MCM9: variants seen among roughly 807,000 people sequenced by gnomAD.
MCM9 encodes the protein minichromosome maintenance 9 homologous recombination repair factor.
Under a neutral mutation model 72.8 loss-of-function variants are expected in MCM9, and 55 were observed. The observed-to-expected ratio is 0.76, with a 90% CI of 0.61 to 0.95. MCM9 has a LOEUF of 0.95. Among genes scored for constraint, MCM9 ranks in the 40% least tolerant of loss-of-function variants. MCM9 has a pLI of 0.00. For missense variants in MCM9, 1,279 were observed against 1,377.0 expected (o/e 0.93, Z 1.13); for synonymous variants, 480 against 503.4 (o/e 0.95, Z 0.62).
chr6:118,836,704 T>A (rs896182343), intron 9 of MCM9, among the ~76,000 whole-genome samples: 1 of 152,174 alleles, frequency 6.6e-6, no homozygotes, highest in African/African-American at 2.4e-5. Context: ...CCCTTTATCA[T>A]TTTTTATTGT....
intron 8 of MCM9, among the ~76,000 whole-genome samples, chr6:118,896,672 A>T (rs916216664): frequency 6.6e-6 from 1 of 152,204 alleles, no homozygotes; most frequent in African/African-American, 2.4e-5. Flanking sequence ...GCTGAGTCAT[A>T]CTGAAGCTGC....
In MCM9 at chr6:118,815,444, G is replaced by T. The variant is rs1199867976; in HGVS notation, c.2812C>A (p.His938Asn). 3 of 1,550,286 alleles carry T rather than the reference G, an allele frequency of 1.9e-6. No individual in the cohort carries two copies. Among genetic ancestry groups the T allele is most frequent in the Middle Eastern group, 1.7e-4 (1 of 6,006 alleles). The change falls in exon 14 of 14, where the codon CAC (histidine) becomes AAC (asparagine). Residue 938 changes from histidine to asparagine, a missense_variant. His to Asn is a moderately conservative substitution (Grantham distance 68, BLOSUM62 1). Coordinates refer to ENST00000619706, the MANE Select transcript of MCM9 (RefSeq NM_017696.3). ...GTTGCACCAGGTGACACATGGCTGT[G>T]ATCTTCAAAGGAGTGGATCAGTTTT... ...KSKLIHSFED[H>N]SHVSPGATKI...
chr6:118,867,883 TTC>T (rs1491513397), intron 8 of MCM9, among the ~76,000 whole-genome samples: 10 of 147,000 alleles, frequency 6.8e-5, no homozygotes, highest in East Asian at 5.9e-4. Context: ...CTTTTTCTTT[TTC>T]TTTTTTTTTG....
At chr6:118,886,375 A>T (rs548255188) in intron 8 of MCM9, among the ~76,000 whole-genome samples, 21 of 152,254 alleles carry the variant, frequency 1.4e-4, no homozygotes, top group African/African-American at 5.1e-4. Context: ...AGAGAAAGAA[A>T]AAGAAACAAT....
intron 8 of MCM9, among the ~76,000 whole-genome samples, chr6:118,893,730 C>T (rs145946117): frequency 0.01 from 1,575 of 152,078 alleles, 29 homozygotes; most frequent in African/African-American, 0.036. Context: ...ACCCGATACG[C>T]AGAAAGCTGA....
chr6:118,847,189 CAG>C lies in MCM9; in HGVS notation c.1325+9180_1325+9181del, dbSNP rs746200472. Reference sequence around the variant, plus strand: ...AATGAACATCTAATTAAGGCAGAAACAGAGAATCGAACACTGCATGTTCTCAC... The same window carrying C: ...AATGAACATCTAATTAAGGCAGAAACAGAATCGAACACTGCATGTTCTCAC... On this transcript the variant is annotated intron_variant, in intron 9 of 13. Transcript: ENST00000619706. Among the ~76,000 whole-genome samples, 3 of 151,728 alleles carry C rather than the reference CAG, an allele frequency of 2.0e-5. No homozygotes were observed. In the East Asian group the frequency reaches 5.8e-4, roughly 29 times the overall value.
At chr6:118,927,438 T>C (rs1290090639) in intron 3 of MCM9, among the ~76,000 whole-genome samples, 1 of 152,024 alleles carries the variant, frequency 6.6e-6, no homozygotes, top group Non-Finnish European at 1.5e-5. Flanking sequence ...ACCCCATCTC[T>C]ACTAAAAATA....
In MCM9 at chr6:118,829,053, T is replaced by C; in HGVS notation, c.1523A>G (p.Asn508Ser). The change falls in exon 10 of 14, where the codon AAT becomes AGT. Residue 508 changes from asparagine to serine, a missense_variant. Physicochemically the swap from Asn to Ser is conservative, Grantham distance 46. Transcript: ENST00000619706. ...DRIISSFILENKGYPSKSEKL... is the reference protein window; with the variant it reads ...DRIISSFILESKGYPSKSEKL... ...CTTTGTTTGTCTTCACGTACCTTTA[T>C]TTTCTAAGATAAAGGAGGAAATGAT... 1 of 1,550,584 alleles carries C rather than the reference T, an allele frequency of 6.4e-7. No homozygotes were observed.
At chr6:118,913,545 G>A in intron 6 of MCM9, 125 bp from the exon 7 acceptor site, 1 of 1,201,302 alleles carries the variant, frequency 8.3e-7, no homozygotes, top group Non-Finnish European at 1.2e-6. Flanking sequence ...TGATCAGGAG[G>A]TCCAATTCCA....
At chr6:118,884,508 TA>T (rs564594715) in intron 8 of MCM9, among the ~76,000 whole-genome samples, 20 of 149,944 alleles carry the variant, frequency 1.3e-4, no homozygotes, top group South Asian at 2.1e-4. Context: ...AAAAGGAATT[TA>T]AAAAAAAACA....
At position 118,930,277 on chromosome 6, in the gene MCM9, A is replaced by AT. The variant is rs539799635; in HGVS notation, c.304+1142dup. On this transcript the variant is annotated intron_variant, in intron 3 of 13. Transcript: ENST00000619706. Reference sequence around the variant, plus strand: ...AGGCGCCCGCCACCATGCCCGGCTAATTTTTTTTGTATTTTTTGTAGAGAC... The same window carrying AT: ...AGGCGCCCGCCACCATGCCCGGCTAATTTTTTTTTGTATTTTTTGTAGAGAC... 6.1e-4 allele frequency among the ~76,000 whole-genome samples: 92 copies of AT among 151,442 alleles called. No individual in the cohort carries two copies. The South Asian group carries it at 8.5e-3, about 14-fold the overall frequency.
intron 8 of MCM9, among the ~76,000 whole-genome samples, chr6:118,899,392 T>G (rs1314698318): frequency 6.6e-6 from 1 of 152,166 alleles, no homozygotes; most frequent in Non-Finnish European, 1.5e-5. Context: ...TTCATTCTGC[T>G]CCAGCCCTAG....
intron 3 of MCM9, among the ~76,000 whole-genome samples, chr6:118,926,954 T>C (rs1781948596): frequency 6.6e-6 from 1 of 152,082 alleles, no homozygotes; most frequent in African/African-American, 2.4e-5. Context: ...TCTCGAAATA[T>C]AAACAGAATG....
chr6:118,910,761 A>G (rs1780484950), intron 8 of MCM9: 2 of 985,428 alleles, frequency 2.0e-6, no homozygotes, highest in African/African-American at 1.7e-5. Context: ...ATTCTTGTCA[A>G]TGGTTAATAT....
chr6:118,850,841 T>G (rs1776169693), intron 9 of MCM9, among the ~76,000 whole-genome samples: 1 of 151,792 alleles, frequency 6.6e-6, no homozygotes, highest in Non-Finnish European at 1.5e-5. Context: ...TTTTAATTCT[T>G]TTTAAAGAGA....
At chr6:118,855,073 A>G (rs941936661) in intron 9 of MCM9, among the ~76,000 whole-genome samples, 1 of 152,218 alleles carries the variant, frequency 6.6e-6, no homozygotes, top group Non-Finnish European at 1.5e-5. Context: ...GGTTATGACA[A>G]ACTGCCTGGC....
At chr6:118,850,096 A>C (rs1311037013) in intron 9 of MCM9, among the ~76,000 whole-genome samples, 2 of 151,976 alleles carry the variant, frequency 1.3e-5, no homozygotes, top group Admixed American at 6.5e-5. Context: ...AAGTGAATGA[A>C]AACAGAAGTT....
At chr6:118,911,552 T>C in intron 8 of MCM9, 98 bp downstream of exon 8, 1 of 1,428,476 alleles carries the variant, frequency 7.0e-7, no homozygotes, top group Non-Finnish European at 9.2e-7. Flanking sequence ...AAAATTAGCT[T>C]GAAATTTATC....
intron 8 of MCM9, among the ~76,000 whole-genome samples, chr6:118,895,240 T>A (rs897633096): frequency 6.6e-6 from 1 of 151,912 alleles, no homozygotes; most frequent in South Asian, 2.1e-4. Flanking sequence ...CCGTGGGTCC[T>A]GTTCGGCCGG....
Sources: gnomAD v4.1 joint callset for allele counts (sites outside exome capture counted in the v4.1 genomes callset) on GRCh38, gnomAD v4.1.1 for gene constraint, MANE v1.5 for transcripts, NCBI Gene and HGNC (gene_info 2026-07-23, HGNC 2026-07-21) for gene names.